The following MMP19 variants were observed in gnomAD, a reference collection of about 807,000 sequenced individuals.
MMP19 encodes the protein matrix metallopeptidase 19.
In MMP19, 47 loss-of-function variants were observed where a neutral mutation model predicts 46.6. The ratio of observed to expected loss-of-function variants is 1.01; its 90% CI spans 0.80 to 1.29. The LOEUF is 1.29. Among genes scored for constraint, MMP19 ranks in the 50% most tolerant of loss-of-function variants. The pLI, the probability that MMP19 is intolerant of heterozygous loss-of-function variation, is 0.00. For synonymous variants in MMP19, 222 were observed against 248.5 expected, an observed-to-expected ratio of 0.89 and a Z score of 1.00; for missense variants, 589 against 643.5, an observed-to-expected ratio of 0.92 and a Z score of 0.92.
chr12:55,840,621 G>A, intron 4 of MMP19, 46 bp downstream of exon 4: 2 of 1,554,050 alleles, frequency 1.3e-6, no homozygotes, highest in Non-Finnish European at 8.8e-7. Flanking sequence ...GGAGACAGAG[G>A]TAATCTCAGA....
intron 6 of MMP19, 191 bp from the exon 7 acceptor site, chr12:55,838,198 G>A (rs556590778): frequency 4.8e-4 from 312 of 649,682 alleles, no homozygotes; most frequent in Non-Finnish European, 6.4e-4. Flanking sequence ...TGCTCAGAGC[G>A]TTTCAGCTTT....
Position 55,838,608 on chromosome 12 carries a change from A to T in MMP19, c.893T>A (p.Leu298Gln). ...PCSSELDAMM[L>Q]GPRGKTYAFK... ...AGCCTGGAGGGGAGGGGCCTCACCC[A>T]GCATCATGGCATCCAGTTCACTACT... Residue 298 changes from leucine (L) to glutamine (Q), a missense_variant and splice_region_variant, in exon 6 of 9, where the codon CTG (leucine) becomes CAG (glutamine). Transcript: ENST00000322569. 1 of 1,614,160 alleles carries T rather than the reference A, an allele frequency of 6.2e-7. No individual in the cohort carries two copies. The highest frequency in any genetic ancestry group is 8.5e-7 in the Non-Finnish European group (1 of 1,180,022).
At chr12:55,838,465 TC>T (rs769174793) in intron 6 of MMP19, 140 bp downstream of exon 6, 4 of 1,592,904 alleles carry the variant, frequency 2.5e-6, no homozygotes, top group Non-Finnish European at 3.4e-6. Context: ...ATGTCACATG[TC>T]TCCTTCCATG....
chr12:55,837,449 C>A, intron 8 of MMP19, 75 bp from the exon 9 acceptor site: 2 of 1,581,628 alleles, frequency 1.3e-6, no homozygotes, highest in South Asian at 1.2e-5. Context: ...CACCCCCAGC[C>A]CACTGCAGCT....
chr12:55,841,052 G>A lies in MMP19; in HGVS notation c.304+54C>T, dbSNP rs151304671. 5.5e-4 allele frequency: 885 copies of A among 1,595,974 alleles called. 3 individuals are homozygous for A. In the Middle Eastern group the frequency reaches 8.4e-3, roughly 15 times the overall value. On this transcript the variant is annotated intron_variant, in intron 3 of 8. Coordinates refer to ENST00000322569, the MANE Select transcript of MMP19 (RefSeq NM_002429.6). ...CAGACTGTCCTAATGCCACCCACAC[G>A]CCAGAACCACATCACCCCCTCCTCT...
In MMP19 at chr12:55,836,984, G is replaced by A; in HGVS notation, c.*52C>T. 6.9e-7 allele frequency: 1 copy of A among 1,452,758 alleles called. No homozygotes were observed. The highest frequency in any genetic ancestry group is 9.3e-7 in the Non-Finnish European group (1 of 1,075,228). 90.0% of individuals were successfully genotyped at this position (1,452,758 alleles called of 1,614,324 possible). On this transcript the variant is annotated 3_prime_UTR_variant, in exon 9 of 9. Coordinates refer to ENST00000322569, the MANE Select transcript of MMP19 (RefSeq NM_002429.6). ...CTTCTGGGGGGGAAATGAAAGGGTG[G>A]GTGGTGGAGCCTCAGGGGTTAATGT... is the stretch of plus-strand genomic sequence containing the variant.
At chr12:55,841,010 T>C in intron 3 of MMP19, 96 bp downstream of exon 3, 1 of 1,559,204 alleles carries the variant, frequency 6.4e-7, no homozygotes, top group Non-Finnish European at 8.7e-7. Context: ...GATTATCTAT[T>C]CAACACTGAG....
chr12:55,840,892 G>T lies in MMP19; in HGVS notation c.305-10C>A. On this transcript the variant is annotated splice_polypyrimidine_tract_variant and intron_variant, in intron 3 of 8. Coordinates refer to ENST00000322569, the MANE Select transcript of MMP19 (RefSeq NM_002429.6). ...TTCTTTCTCCAGCGGCCTAGTTAATGACCAGAAAACAGATTAGAAATACAG... is the reference window on the plus strand; with the variant it reads ...TTCTTTCTCCAGCGGCCTAGTTAATTACCAGAAAACAGATTAGAAATACAG... 6.4e-7 allele frequency: 1 copy of T among 1,570,100 alleles called. No individual in the cohort carries two copies. Among genetic ancestry groups the T allele is most frequent in the South Asian group, 1.2e-5 (1 of 85,276 alleles).
chr12:55,838,847 A>G (rs1482976782), intron 5 of MMP19, 113 bp from the exon 6 acceptor site: 2 of 856,614 alleles, frequency 2.3e-6, no homozygotes, highest in East Asian at 5.0e-5. Flanking sequence ...AGGGAATCCT[A>G]GAGCGTTTTC....
intron 6 of MMP19, 43 bp from the exon 7 acceptor site, chr12:55,838,050 A>G: frequency 6.6e-7 from 1 of 1,514,416 alleles, no homozygotes; most frequent in South Asian, 1.3e-5. Flanking sequence ...GACAGAGGTC[A>G]AGTAGACAGA....
At position 55,839,630 on chromosome 12, in the gene MMP19, G is replaced by A; in HGVS notation, c.632C>T (p.Ala211Val). 6.2e-7 allele frequency: 1 copy of A among 1,614,228 alleles called. No homozygotes were observed. Among genetic ancestry groups the A allele is most frequent in the Non-Finnish European group, 8.5e-7 (1 of 1,180,040 alleles). Residue 211 changes from alanine to valine, a missense_variant, in exon 5 of 9, where the codon GCC becomes GTC. Ala to Val is a moderately conservative substitution (Grantham distance 64). Coordinates refer to ENST00000322569, the MANE Select transcript of MMP19 (RefSeq NM_002429.6). ...CCCCAGAGCATGGCCCACTTCATGG[G>A]CTGCAATGATGCGCAGGTTCACCCC... ...YRGVNLRIIA[A>V]HEVGHALGLG...
intron 3 of MMP19, 65 bp from the exon 4 acceptor site, chr12:55,840,947 T>C (rs777403320): frequency 6.5e-7 from 1 of 1,534,512 alleles, no homozygotes; most frequent in Non-Finnish European, 8.8e-7. Flanking sequence ...AGAGCTCCTC[T>C]GGGTTTAGGC....
intron 2 of MMP19, among the ~76,000 whole-genome samples, chr12:55,842,081 G>A (rs1314248423): frequency 6.6e-6 from 1 of 152,152 alleles, no homozygotes; most frequent in Non-Finnish European, 1.5e-5. Context: ...CACTTTATGT[G>A]GACTATAACT....
At position 55,836,841 on chromosome 12, in the gene MMP19, A is replaced by G. The variant is rs899943156; in HGVS notation, c.*195T>C. On this transcript the variant is annotated 3_prime_UTR_variant, in exon 9 of 9. Coordinates refer to ENST00000322569, the MANE Select transcript of MMP19 (RefSeq NM_002429.6). ...TTCTCAGGAGTGAAAATGCACAGGAAAGTGGTGGCTGGAGTTGGAAGTGTT... is the reference window on the plus strand; with the variant it reads ...TTCTCAGGAGTGAAAATGCACAGGAGAGTGGTGGCTGGAGTTGGAAGTGTT... 12 of 521,714 alleles carry G rather than the reference A, an allele frequency of 2.3e-5. No homozygotes were observed. Among genetic ancestry groups the G allele is most frequent in the Non-Finnish European group, 2.7e-5 (8 of 299,022 alleles). The allele number at this position is 521,714 out of a possible 1,614,324, so 32.3% of individuals were successfully genotyped here. A position where few individuals can be genotyped will look rare whatever the true frequency, so the allele number is the denominator to read the frequency against.
rs917391891 is a variant in MMP19 at position 55,836,655 on chromosome 12, C to G, written c.*381G>C. On this transcript the variant is annotated 3_prime_UTR_variant, in exon 9 of 9. Transcript: ENST00000322569. Reference sequence around the variant, plus strand: ...GCCCTTGCTCAGTTTACTGGCCATGCTGTTTTCTTGCATTTTATGTAGGAA... The same window carrying G: ...GCCCTTGCTCAGTTTACTGGCCATGGTGTTTTCTTGCATTTTATGTAGGAA... 1.2e-5 allele frequency: 2 copies of G among 167,184 alleles called. No homozygotes were observed. Among genetic ancestry groups the G allele is most frequent in the African/African-American group, 4.8e-5 (2 of 42,040 alleles). 10.4% of individuals were successfully genotyped at this position (167,184 alleles called of 1,614,324 possible).
chr12:55,840,024 G>T, intron 4 of MMP19: 1 of 381,206 alleles, frequency 2.6e-6, no homozygotes, highest in Non-Finnish European at 4.7e-6. Context: ...GGAACTTAAG[G>T]GAGAAAAAGA....
In MMP19 at chr12:55,837,612, T is replaced by G. The variant is rs2136231167; in HGVS notation, c.1131A>C (p.Glu377Asp). ...PGFPKKLNRV[E>D]PNLDAALYWP... ...AATAGAGAGCTGCATCCAGGTTAGG[T>G]TCTACCCTATTCAGCTTCTTGGGGA... Residue 377 changes from glutamate to aspartate, a missense_variant, in exon 8 of 9, where the codon GAA (glutamate) becomes GAC (aspartate). Physicochemically the swap from Glu to Asp is conservative, Grantham distance 45 (BLOSUM62 2). Transcript: ENST00000322569. The G allele has an allele frequency of 1.2e-6, 2 of 1,614,166 alleles. No homozygotes were observed. The highest frequency in any genetic ancestry group is 1.7e-6 in the Non-Finnish European group (2 of 1,180,026).
At position 55,842,432 on chromosome 12, in the gene MMP19, G is replaced by A. The variant is rs763394035; in HGVS notation, c.94C>T (p.Leu32=). 1 of 1,611,642 alleles carries A rather than the reference G, an allele frequency of 6.2e-7. No individual in the cohort carries two copies. The highest frequency in any genetic ancestry group is 8.5e-7 in the Non-Finnish European group (1 of 1,177,980). ...GLAEVAPVDY[L]SQYGYLQKPL... ...TTCTGTAGGTACCCATATTGTGACA[G>A]GTAGTCCTATGATGGGAGTGGAGGT... The change falls in exon 2 of 9, where the codon CTG becomes TTG. Residue 32 remains leucine, a synonymous_variant. Coordinates refer to ENST00000322569, the MANE Select transcript of MMP19 (RefSeq NM_002429.6).
chr12:55,840,681 GT>G lies in MMP19; in HGVS notation c.505del (p.Thr169LeufsTer36). On this transcript the variant is annotated frameshift_variant, in exon 4 of 9. Coordinates refer to ENST00000322569, the MANE Select transcript of MMP19 (RefSeq NM_002429.6). LOFTEE classifies it high-confidence loss of function. The stretch of plus-strand genomic sequence containing the variant: ...CTGTTGCCTACCAGGCCCATCAAAA[GT>G]ATTGGAACAGTACGAGCTTTGGCGG... ...HGRQSSYCSN[T>X]FDGPGRVLAH... The G allele has an allele frequency of 6.2e-7, 1 of 1,613,870 alleles. No individual in the cohort carries two copies.
Sources: allele counts gnomAD v4.1 joint callset (sites outside exome capture counted in the v4.1 genomes callset), GRCh38; gene constraint gnomAD v4.1.1; transcripts MANE v1.5; gene names NCBI Gene and HGNC (gene_info 2026-07-23, HGNC 2026-07-21).